Variants in RASGRF2 observed in about 807,000 individuals in gnomAD.
The protein encoded by RASGRF2 is ras-specific guanine nucleotide-releasing factor 2.
A neutral mutation model predicts 151.0 loss-of-function variants in RASGRF2; 76 were observed. The observed-to-expected ratio is 0.50, with a 90% CI of 0.42 to 0.61. The LOEUF is 0.61. Ranked by LOEUF, RASGRF2 falls within the 20% of genes least tolerant of loss-of-function variation. RASGRF2 has a pLI of 0.00. For synonymous variants in RASGRF2, 504 were observed against 566.5 expected (o/e 0.89, Z 1.57); for missense variants, 1,148 against 1,564.6 (o/e 0.73, Z 4.49).
chr5:81,084,655 C>T (rs760898143), intron 7 of RASGRF2, among the ~76,000 whole-genome samples: 2 of 152,088 alleles, frequency 1.3e-5, no homozygotes, highest in Non-Finnish European at 1.5e-5. Context: ...GGTAAGCAGC[C>T]CAATGAAGGC....
At chr5:81,048,982 G>A (rs943480202) in intron 2 of RASGRF2, among the ~76,000 whole-genome samples, 9 of 152,022 alleles carry the variant, frequency 5.9e-5, no homozygotes, top group Admixed American at 2.6e-4. Context: ...TCCTAGGCAC[G>A]CAGCTCTTCC....
chr5:81,057,233 C>G (rs1161135987), intron 2 of RASGRF2, among the ~76,000 whole-genome samples: 1 of 152,162 alleles, frequency 6.6e-6, no homozygotes, highest in Non-Finnish European at 1.5e-5. Flanking sequence ...CATTGATGGT[C>G]TTTACAATTT....
intron 17 of RASGRF2, among the ~76,000 whole-genome samples, chr5:81,149,214 T>C (rs1032011764): frequency 1.3e-5 from 2 of 152,166 alleles, no homozygotes; most frequent in African/African-American, 4.8e-5. Context: ...ATTGCAGAAA[T>C]ATGGAACCAA....
At chr5:81,089,336 G>A (rs1752327877) in intron 9 of RASGRF2, among the ~76,000 whole-genome samples, 1 of 152,020 alleles carries the variant, frequency 6.6e-6, no homozygotes, top group Non-Finnish European at 1.5e-5. Context: ...ATTTCTATGT[G>A]CGTGTGTGTG....
At chr5:81,073,772 C>A (rs986184151) in intron 5 of RASGRF2, among the ~76,000 whole-genome samples, 6 of 152,176 alleles carry the variant, frequency 3.9e-5, no homozygotes, top group African/African-American at 1.4e-4. Context: ...GCGCCCACCA[C>A]CACACCTGGC....
chr5:81,092,657 A>G (rs1028504248), intron 9 of RASGRF2, 144 bp from the exon 10 acceptor site: 1 of 744,302 alleles, frequency 1.3e-6, no homozygotes, highest in South Asian at 1.8e-5. Flanking sequence ...TCAGACTGGA[A>G]GAGAGTTACT....
chr5:81,068,154 C>T lies in RASGRF2; in HGVS notation c.518C>T (p.Thr173Ile). The change falls in exon 3 of 27, where the codon ACA (threonine) becomes ATA (isoleucine). Residue 173 changes from threonine to isoleucine, a missense_variant. Thr to Ile is a moderately conservative substitution (Grantham distance 89). Coordinates refer to ENST00000265080, the MANE Select transcript of RASGRF2 (RefSeq NM_006909.3). ...QLRHQLEDQDTEIERLKSEII... is the reference protein window; with the variant it reads ...QLRHQLEDQDIEIERLKSEII... ...CGACATCAACTTGAAGATCAAGACA[C>T]AGAAATCGAAAGGCTTAAATCAGAG... is the stretch of plus-strand genomic sequence containing the variant. 2 of 1,612,272 alleles carry T rather than the reference C, an allele frequency of 1.2e-6. No homozygotes were observed. The highest frequency in any genetic ancestry group is 1.7e-5 in the Admixed American group (1 of 59,800).
chr5:81,203,769 A>G (rs1243164049), intron 19 of RASGRF2, among the ~76,000 whole-genome samples: 1 of 152,260 alleles, frequency 6.6e-6, no homozygotes, highest in Admixed American at 6.5e-5. Context: ...TGAAGAGTAC[A>G]TGATGTGAAA....
chr5:80,963,681 G>A (rs906670601), intron 1 of RASGRF2, among the ~76,000 whole-genome samples: 1 of 152,196 alleles, frequency 6.6e-6, no homozygotes, highest in East Asian at 1.9e-4. Flanking sequence ...GATTGAAGTG[G>A]ACATTCTGAT....
chr5:81,217,554 C>G, intron 25 of RASGRF2, 81 bp downstream of exon 25: 6 of 485,454 alleles, frequency 1.2e-5, no homozygotes, highest in Non-Finnish European at 1.8e-5. Flanking sequence ...AAGTCAATGT[C>G]TGCTTTTTTT....
At chr5:81,183,758 TG>T (rs1327620869) in intron 18 of RASGRF2, among the ~76,000 whole-genome samples, 1 of 152,212 alleles carries the variant, frequency 6.6e-6, no homozygotes, top group African/African-American at 2.4e-5. Flanking sequence ...GTAGCTCCTG[TG>T]GGGCCCCAAG....
chr5:81,086,989 G>T, intron 9 of RASGRF2, 36 bp downstream of exon 9: 1 of 1,527,354 alleles, frequency 6.5e-7, no homozygotes. Flanking sequence ...GACCTGATGC[G>T]CTGTGCGGCT....
chr5:80,961,072 A>C, intron 1 of RASGRF2, 46 bp downstream of exon 1: 1 of 1,398,800 alleles, frequency 7.1e-7, no homozygotes, highest in Non-Finnish European at 9.3e-7. Context: ...TGATCGCCGC[A>C]CTCCCTTGCC....
chr5:81,143,347 C>A (rs1164009456), intron 17 of RASGRF2, among the ~76,000 whole-genome samples: 4 of 151,762 alleles, frequency 2.6e-5, no homozygotes, highest in Non-Finnish European at 4.4e-5. Context: ...GGGGTTACAC[C>A]ATGTTGGCCA....
intron 15 of RASGRF2, among the ~76,000 whole-genome samples, chr5:81,118,144 A>G (rs1248418985): frequency 6.6e-6 from 1 of 152,184 alleles, no homozygotes; most frequent in Non-Finnish European, 1.5e-5. Flanking sequence ...TCATGGCTCC[A>G]CTAGGCATTG....
intron 18 of RASGRF2, among the ~76,000 whole-genome samples, chr5:81,198,270 C>G (rs892432136): frequency 6.6e-6 from 1 of 152,136 alleles, no homozygotes; most frequent in African/African-American, 2.4e-5. Flanking sequence ...CCCCACCTCC[C>G]TCCCTCCTTT....
intron 2 of RASGRF2, among the ~76,000 whole-genome samples, chr5:81,066,067 A>G (rs1010202832): frequency 1.3e-5 from 2 of 152,104 alleles, no homozygotes; most frequent in African/African-American, 4.8e-5. Flanking sequence ...GATGTAATAT[A>G]TTTGTAACCA....
intron 10 of RASGRF2, among the ~76,000 whole-genome samples, chr5:81,093,901 A>G (rs1045337308): frequency 1.3e-5 from 2 of 152,058 alleles, no homozygotes; most frequent in African/African-American, 4.8e-5. Flanking sequence ...TAGATAGGCA[A>G]ACTTTTTTAT....
In RASGRF2 at chr5:81,086,856, C is replaced by T. The variant is rs746463883; in HGVS notation, c.1293C>T (p.Ser431=). 4 of 1,613,422 alleles carry T rather than the reference C, an allele frequency of 2.5e-6. No individual in the cohort carries two copies. Among genetic ancestry groups the T allele is most frequent in the Non-Finnish European group, 3.4e-6 (4 of 1,179,518 alleles). The change falls in exon 9 of 27, where the codon AGC becomes AGT. Residue 431 remains serine (S), a synonymous_variant. Coordinates refer to ENST00000265080, the MANE Select transcript of RASGRF2 (RefSeq NM_006909.3). ...ELSRVMHDEV[S]DTENIRKNLA... is the part of the protein sequence containing the mutation. Reference sequence around the variant, plus strand: ...ACAGAGTAATGCACGATGAAGTCAGCGACACTGAAAACATAAGGAAAAACC... The same window carrying T: ...ACAGAGTAATGCACGATGAAGTCAGTGACACTGAAAACATAAGGAAAAACC...
Sources: allele counts gnomAD v4.1 joint callset (sites outside exome capture counted in the v4.1 genomes callset), GRCh38; gene constraint gnomAD v4.1.1; transcripts MANE v1.5; gene names NCBI Gene and HGNC (gene_info 2026-07-23, HGNC 2026-07-21).